The following SEPTIN9 variants were observed in gnomAD, a reference collection of about 807,000 sequenced individuals.
SEPTIN9 encodes the protein septin-9.
A neutral mutation model predicts 56.6 loss-of-function variants in SEPTIN9; 13 were observed. That is an observed-to-expected ratio of 0.23 (90% CI 0.15 to 0.37). SEPTIN9 has a LOEUF of 0.37. SEPTIN9 is among the 10% of genes least tolerant of loss of function. SEPTIN9 has a pLI of 1.00. For synonymous variants in SEPTIN9, 332 were observed against 334.1 expected, an observed-to-expected ratio of 0.99 and a Z score of 0.07; for missense variants, 650 against 823.1, an observed-to-expected ratio of 0.79 and a Z score of 2.57.
At chr17:77,286,584 C>T (rs554761066) in intron 1 of SEPTIN9, 2 of 152,390 alleles carry the variant, frequency 1.3e-5, no homozygotes, top group East Asian at 3.9e-4. Flanking sequence ...GAAGGGGACA[C>T]TTCCCACCCC....
intron 2 of SEPTIN9, among the ~76,000 whole-genome samples, chr17:77,363,732 A>C (rs2034490230): frequency 1.3e-5 from 2 of 152,006 alleles, no homozygotes; most frequent in Admixed American, 6.6e-5. Flanking sequence ...TTTCTGTATT[A>C]GTTCACCCTT....
intron 1 of SEPTIN9, among the ~76,000 whole-genome samples, chr17:77,291,052 T>C (rs1263723452): frequency 7.1e-6 from 1 of 141,716 alleles, no homozygotes; most frequent in Non-Finnish European, 1.5e-5. Context: ...TTTTTTTTTT[T>C]TGAGACAGAG....
In SEPTIN9 at chr17:77,281,556, T is replaced by G; in HGVS notation, c.19+2T>G. The G allele has an allele frequency of 6.5e-7, 1 of 1,543,236 alleles. No individual in the cohort carries two copies. Among genetic ancestry groups the G allele is most frequent in the Non-Finnish European group, 8.7e-7 (1 of 1,144,516 alleles). ...GCACCATGAAGAAGTCTTACTCAGG[T>G]GGGCTTCGCGCCCGGGGTGGGGAGG... is the stretch of plus-strand genomic sequence containing the variant. On this transcript the variant is annotated splice_donor_variant, in intron 1 of 11. Coordinates refer to ENST00000427177, the MANE Select transcript of SEPTIN9 (RefSeq NM_001113491.2). LOFTEE classifies it high-confidence loss of function.
intron 2 of SEPTIN9, among the ~76,000 whole-genome samples, chr17:77,351,602 G>A (rs757193819): frequency 5.9e-5 from 9 of 152,182 alleles, no homozygotes; most frequent in Non-Finnish European, 1.0e-4. Context: ...CCTCAGAGGC[G>A]GCCCCAGGGC....
chr17:77,294,728 C>G (rs1012065434), intron 1 of SEPTIN9: 4 of 152,824 alleles, frequency 2.6e-5, no homozygotes, highest in African/African-American at 9.6e-5. Flanking sequence ...GAACTGAATC[C>G]TTTGCTTACA....
rs763061745 is a variant in SEPTIN9 at position 77,334,314 on chromosome 17, C to T, written c.76+27117C>T. ...GCGGGCGCCTGTAGTCCCAGATAAT[C>T]GGGAGGCCGAGGCAGGAAAATGGTG... On this transcript the variant is annotated intron_variant, in intron 2 of 11. Coordinates refer to ENST00000427177, the MANE Select transcript of SEPTIN9 (RefSeq NM_001113491.2). Among the ~76,000 whole-genome samples the T allele has an allele frequency of 3.3e-5, 5 of 149,564 alleles. No homozygotes were observed. The East Asian group carries it at 9.9e-4, about 30-fold the overall frequency.
chr17:77,440,607 G>T (rs2037509834), intron 3 of SEPTIN9, among the ~76,000 whole-genome samples: 2 of 152,248 alleles, frequency 1.3e-5, no homozygotes, highest in Non-Finnish European at 2.9e-5. Context: ...CAAGCGGACA[G>T]CTGCTCCCTT....
Position 77,482,104 on chromosome 17 carries a change from C to A in SEPTIN9, c.722-40C>A, listed in dbSNP as rs1017467806. ...CACCTGGCAGGCGCCTGTGTGTGAG[C>A]CCCTGTTCCGCTCTAACTCCTCTGC... On this transcript the variant is annotated intron_variant, in intron 3 of 11. Coordinates refer to ENST00000427177, the MANE Select transcript of SEPTIN9 (RefSeq NM_001113491.2). 70 of 1,523,496 alleles carry A rather than the reference C, an allele frequency of 4.6e-5. No homozygotes were observed. The East Asian group carries it at 1.6e-3, about 36-fold the overall frequency. The allele number at this position is 1,523,496 out of a possible 1,614,324, so 94.4% of individuals were successfully genotyped here. A position where few individuals can be genotyped will look rare whatever the true frequency, so the allele number is the denominator to read the frequency against.
chr17:77,434,640 C>T lies in SEPTIN9; in HGVS notation c.721+31937C>T, dbSNP rs1015752849. ...GCACCATGACCCCCGTCAAAGCTCA[C>T]GTCCAAGGCATTTGTGGGCACCCCC... On this transcript the variant is annotated intron_variant, in intron 3 of 11. Transcript: ENST00000427177. This position sits in a 1 kb window ranked among gnomAD's most constrained non-coding sequence, Gnocchi z 5.0. Among the ~76,000 whole-genome samples, 2 of 152,146 alleles carry T rather than the reference C, an allele frequency of 1.3e-5. No homozygotes were observed. Among genetic ancestry groups the T allele is most frequent in the Admixed American group, 6.5e-5 (1 of 15,274 alleles).
rs1402812567 is a variant in SEPTIN9, at chr17:77,327,044, A to T, written c.76+19847A>T. ...GTAATATCCTTTATAATAAACTAGTAAATTCCATGAGCCCCAGGAACATGT... is the reference window on the plus strand; with the variant it reads ...GTAATATCCTTTATAATAAACTAGTTAATTCCATGAGCCCCAGGAACATGT... On this transcript the variant is annotated intron_variant, in intron 2 of 11. Transcript: ENST00000427177. This position sits in a 1 kb window ranked among gnomAD's most constrained non-coding sequence, Gnocchi z 5.0. Among the ~76,000 whole-genome samples the T allele has an allele frequency of 1.3e-5, 2 of 152,036 alleles. No individual in the cohort carries two copies. Among genetic ancestry groups the T allele is most frequent in the Non-Finnish European group, 2.9e-5 (2 of 68,008 alleles).
chr17:77,370,192 C>G (rs1046999792), intron 2 of SEPTIN9, among the ~76,000 whole-genome samples: 2 of 152,184 alleles, frequency 1.3e-5, no homozygotes, highest in Non-Finnish European at 1.5e-5. Context: ...GGAATGTGTC[C>G]TCTCACAGTT....
intron 10 of SEPTIN9, among the ~76,000 whole-genome samples, chr17:77,493,538 A>G (rs2040125748): frequency 6.6e-6 from 1 of 152,124 alleles, no homozygotes; most frequent in Non-Finnish European, 1.5e-5. Context: ...AGCACAAACG[A>G]GGGGACTTAA....
intron 3 of SEPTIN9, chr17:77,469,287 G>C (rs1344739641): frequency 6.5e-6 from 1 of 153,046 alleles, no homozygotes; most frequent in East Asian, 1.9e-4. Context: ...CAGAGGCTGA[G>C]AGAATAGCCA....
chr17:77,421,052 A>C lies in SEPTIN9; in HGVS notation c.721+18349A>C, dbSNP rs1421700901. On this transcript the variant is annotated intron_variant, in intron 3 of 11. Coordinates refer to ENST00000427177, the MANE Select transcript of SEPTIN9 (RefSeq NM_001113491.2). This position sits in a 1 kb window ranked among gnomAD's most constrained non-coding sequence, Gnocchi z 4.6. ...CTGTCCTGGAGACGGGGTACTGTGC[A>C]GTGGTCGGGGTAGGGGTGGAGCTCT... Among the ~76,000 whole-genome samples the C allele has an allele frequency of 2.6e-5, 4 of 152,242 alleles. No homozygotes were observed. Among genetic ancestry groups the C allele is most frequent in the South Asian group, 2.1e-4 (1 of 4,828 alleles).
chr17:77,492,959 T>C lies in SEPTIN9; in HGVS notation c.1477-21T>C, dbSNP rs1401034780. The stretch of plus-strand genomic sequence containing the variant: ...TGCCTTCCCGCACATGTGTAACCAA[T>C]ACCGTCTGCCCGTTCCCCAGGAGAT... On this transcript the variant is annotated intron_variant, in intron 9 of 11. Coordinates refer to ENST00000427177, the MANE Select transcript of SEPTIN9 (RefSeq NM_001113491.2). The surrounding 1 kb of genome is among the most constrained non-coding windows in gnomAD (Gnocchi z 5.4). The C allele has an allele frequency of 6.4e-7, 1 of 1,554,506 alleles. No homozygotes were observed. The highest frequency in any genetic ancestry group is 1.7e-4 in the Middle Eastern group (1 of 5,990).
At chr17:77,477,699 G>A (rs1380429301) in intron 3 of SEPTIN9, among the ~76,000 whole-genome samples, 1 of 152,200 alleles carries the variant, frequency 6.6e-6, no homozygotes, top group Non-Finnish European at 1.5e-5. Flanking sequence ...TGTTTGCCAG[G>A]CTGGAGAGAC....
chr17:77,463,191 TTGG>T (rs2038560714), intron 3 of SEPTIN9, among the ~76,000 whole-genome samples: 1 of 152,226 alleles, frequency 6.6e-6, no homozygotes, highest in Non-Finnish European at 1.5e-5. Flanking sequence ...TGAGTTCTTC[TTGG>T]ACCTGCCATT....
In SEPTIN9 at chr17:77,436,635, C is replaced by T. The variant is rs530436607; in HGVS notation, c.721+33932C>T. On this transcript the variant is annotated intron_variant, in intron 3 of 11. Coordinates refer to ENST00000427177, the MANE Select transcript of SEPTIN9 (RefSeq NM_001113491.2). The surrounding 1 kb of genome is among the most constrained non-coding windows in gnomAD (Gnocchi z 4.4). ...CTCCTGCCCCGCTGGAGGGAGTGAC[C>T]TGGCCCCTGGCCCCGGCCACCTACA... Among the ~76,000 whole-genome samples, 11 of 152,378 alleles carry T rather than the reference C, an allele frequency of 7.2e-5. No homozygotes were observed. The South Asian group carries it at 2.3e-3, about 32-fold the overall frequency.
chr17:77,431,821 A>ATGC (rs1440804233), intron 3 of SEPTIN9, among the ~76,000 whole-genome samples: 2 of 144,898 alleles, frequency 1.4e-5, no homozygotes, highest in African/African-American at 5.3e-5. Flanking sequence ...CGGGAGTGAA[A>ATGC]TGCTGTCTCA....
Sources: gnomAD v4.1 joint callset for allele counts (sites outside exome capture counted in the v4.1 genomes callset) on GRCh38, gnomAD v4.1.1 for gene constraint, Gnocchi (gnomAD v3.1) non-coding constraint, MANE v1.5 for transcripts, NCBI Gene and HGNC (gene_info 2026-07-23, HGNC 2026-07-21) for gene names.